The following FANCM variants were observed in gnomAD, a reference collection of about 807,000 sequenced individuals.
FANCM encodes FA complementation group M.
A neutral mutation model predicts 199.5 loss-of-function variants in FANCM; 140 were observed. The observed-to-expected ratio is 0.70, with a 90% confidence interval of 0.61 to 0.81. The LOEUF (loss-of-function observed/expected upper bound fraction) is 0.81, where lower values mean the gene tolerates loss of function less well. Ranked by LOEUF, FANCM falls within the 30% of genes least tolerant of loss-of-function variation. The probability of loss-of-function intolerance (pLI) is 0.00; values close to 1 mark genes in which losing one functional copy is unlikely to be tolerated. For missense variants in FANCM, 2,410 were observed against 2,421.4 expected, an observed-to-expected ratio of 1.00 and a Z score of 0.10; for synonymous variants, 840 against 836.8, an observed-to-expected ratio of 1.00 and a Z score of -0.07.
At position 45,200,679 on chromosome 14, in the gene FANCM, A is replaced by G. The variant is rs1356349744; in HGVS notation, c.*671A>G. The stretch of plus-strand genomic sequence containing the variant: ...GGACCTCCTGGAACGTGATTAGCTC[A>G]TGGGGGCGGTTCCCCCATGCTGTTC... On this transcript the variant is annotated 3_prime_UTR_variant, in exon 23 of 23. Transcript: ENST00000267430. 2 of 152,118 alleles carry G rather than the reference A, an allele frequency of 1.3e-5. No individual in the cohort carries two copies. The highest frequency in any genetic ancestry group is 1.3e-4 in the Admixed American group (2 of 15,264). 9.4% of individuals were successfully genotyped at this position (152,118 alleles called of 1,614,324 possible).
In FANCM at chr14:45,175,986, C is replaced by G; in HGVS notation, c.3232C>G (p.Pro1078Ala). 1 of 1,613,546 alleles carries G rather than the reference C, an allele frequency of 6.2e-7. No individual in the cohort carries two copies. Among genetic ancestry groups the G allele is most frequent in the Non-Finnish European group, 8.5e-7 (1 of 1,179,612 alleles). ...ACCTAATGATAATATTTCTGATGAG[C>G]CAAGTCTCTGTGACTGTGATGTACA... ...DIPNDNISDE[P>A]SLCDCDVHKH... is the part of the protein sequence containing the mutation. Residue 1078 changes from proline to alanine, a missense_variant, in exon 14 of 23, where the codon CCA (proline) becomes GCA (alanine). Coordinates refer to ENST00000267430, the MANE Select transcript of FANCM (RefSeq NM_020937.4).
intron 8 of FANCM, among the ~76,000 whole-genome samples, chr14:45,158,220 A>G (rs1054978144): frequency 2.6e-5 from 4 of 152,078 alleles, no homozygotes; most frequent in Admixed American, 6.6e-5. Flanking sequence ...AAACAACCAA[A>G]AACCCCACAC....
At chr14:45,137,455 C>G (rs567756579) in intron 2 of FANCM, 1 of 560,640 alleles carries the variant, frequency 1.8e-6, no homozygotes, top group South Asian at 2.1e-5. Context: ...TTGTTGTTTT[C>G]TTTTTCTTTT....
intron 16 of FANCM, 76 bp downstream of exon 16, chr14:45,181,781 AT>A: frequency 1.2e-6 from 1 of 848,678 alleles, no homozygotes. Context: ...ATATGTGTAG[AT>A]AAATATAGGT....
At chr14:45,164,045 A>G (rs1212514448) in intron 9 of FANCM, among the ~76,000 whole-genome samples, 1 of 152,190 alleles carries the variant, frequency 6.6e-6, no homozygotes, top group African/African-American at 2.4e-5. Context: ...TCCTGGGCTC[A>G]AGAGATCCTC....
At chr14:45,162,653 T>G (rs577160176) in intron 9 of FANCM, among the ~76,000 whole-genome samples, 3 of 152,292 alleles carry the variant, frequency 2.0e-5, no homozygotes, top group South Asian at 4.1e-4. Flanking sequence ...AGCAGTCTTT[T>G]AAACATCAAG....
At chr14:45,137,456 T>G (rs1330426128) in intron 2 of FANCM, 1 of 560,262 alleles carries the variant, frequency 1.8e-6, no homozygotes, top group Non-Finnish European at 3.2e-6. Context: ...TGTTGTTTTC[T>G]TTTTCTTTTC....
chr14:45,185,136 GT>G, intron 17 of FANCM, 80 bp from the exon 18 acceptor site: 1 of 997,910 alleles, frequency 1.0e-6, no homozygotes, highest in Non-Finnish European at 1.5e-6. Context: ...TAAGAAATCA[GT>G]TTTCCAGAAT....
intron 10 of FANCM, among the ~76,000 whole-genome samples, chr14:45,166,024 A>T (rs1338635970): frequency 6.6e-6 from 1 of 152,200 alleles, no homozygotes; most frequent in Non-Finnish European, 1.5e-5. Flanking sequence ...CTATGTAAAT[A>T]TCAGTCTTTT....
chr14:45,190,946 C>T (rs1222320048), intron 20 of FANCM, among the ~76,000 whole-genome samples: 1 of 152,144 alleles, frequency 6.6e-6, no homozygotes, highest in Non-Finnish European at 1.5e-5. Context: ...TAGCTCACTG[C>T]TGACTTGAAC....
intron 12 of FANCM, 39 bp downstream of exon 12, chr14:45,170,785 C>CT (rs1566756694): frequency 6.4e-7 from 1 of 1,566,498 alleles, no homozygotes; most frequent in Non-Finnish European, 8.8e-7. Context: ...TTTCCCCCCC[C>CT]TCATTTTAAT....
At chr14:45,182,771 A>G (rs1889150358) in intron 16 of FANCM, among the ~76,000 whole-genome samples, 1 of 152,188 alleles carries the variant, frequency 6.6e-6, no homozygotes, top group Non-Finnish European at 1.5e-5. Flanking sequence ...CGCACATCAT[A>G]AATGGAAAAC....
chr14:45,176,246 A>AACTGCT lies in FANCM; in HGVS notation c.3494_3499dup (p.Thr1165_Ala1166dup), dbSNP rs928169563. ...GCGAATCTTTACCTGTGTCAGACAA[A>AACTGCT]ACTGCTATTAGTGAAACGCCTCTGG... is the stretch of plus-strand genomic sequence containing the variant. On this transcript the variant is annotated inframe_insertion, in exon 14 of 23. Transcript: ENST00000267430. The AACTGCT allele has an allele frequency of 5.0e-6, 8 of 1,613,988 alleles. No individual in the cohort carries two copies. The highest frequency in any genetic ancestry group is 6.8e-6 in the Non-Finnish European group (8 of 1,179,964).
intron 9 of FANCM, among the ~76,000 whole-genome samples, chr14:45,161,010 T>C (rs1218834457): frequency 6.6e-6 from 1 of 152,138 alleles, no homozygotes; most frequent in Non-Finnish European, 1.5e-5. Flanking sequence ...ACTCTTAACA[T>C]ATATGTATGA....
intron 8 of FANCM, among the ~76,000 whole-genome samples, chr14:45,158,747 C>CCATTTT (rs1887370373): frequency 6.6e-6 from 1 of 152,112 alleles, no homozygotes; most frequent in Non-Finnish European, 1.5e-5. Context: ...TATTTTATGA[C>CCATTTT]AGCCAATGGT....
chr14:45,145,178 G>A (rs1362109972), intron 3 of FANCM, among the ~76,000 whole-genome samples: 1 of 151,716 alleles, frequency 6.6e-6, no homozygotes, highest in African/African-American at 2.4e-5. Context: ...CTGTCCTGTT[G>A]TGGCTGAGCT....
chr14:45,146,805 C>T (rs1886422392), intron 3 of FANCM, among the ~76,000 whole-genome samples: 1 of 142,808 alleles, frequency 7.0e-6, no homozygotes, highest in African/African-American at 2.6e-5. Context: ...TGCATTCCAG[C>T]CTGGGCGACA....
intron 3 of FANCM, among the ~76,000 whole-genome samples, chr14:45,147,026 G>T (rs1168227369): frequency 6.6e-6 from 1 of 152,054 alleles, no homozygotes; most frequent in Non-Finnish European, 1.5e-5. Context: ...GGATTATGCC[G>T]ATTTTGGTCG....
intron 9 of FANCM, 46 bp downstream of exon 9, chr14:45,159,326 C>T (rs749654819): frequency 7.1e-7 from 1 of 1,411,936 alleles, no homozygotes. Flanking sequence ...GATTGATTAG[C>T]TTTGCACTTG....
Sources: allele counts gnomAD v4.1 joint callset (sites outside exome capture counted in the v4.1 genomes callset), GRCh38; gene constraint gnomAD v4.1.1; transcripts MANE v1.5; gene names NCBI Gene and HGNC (gene_info 2026-07-23, HGNC 2026-07-21).